Variants in KSR1 observed in about 807,000 individuals in gnomAD.
KSR1 encodes kinase suppressor of ras 1.
In KSR1, 35 loss-of-function variants were observed where a neutral mutation model predicts 92.9. That is an observed-to-expected ratio of 0.38 (90% CI 0.29 to 0.50). The LOEUF is 0.50. Among genes scored for constraint, KSR1 ranks in the 20% least tolerant of loss-of-function variants. KSR1 has a pLI of 0.94. For synonymous variants in KSR1, 467 were observed against 472.6 expected, an observed-to-expected ratio of 0.99 and a Z score of 0.15; for missense variants, 972 against 1,158.5, an observed-to-expected ratio of 0.84 and a Z score of 2.34.
intron 18 of KSR1, among the ~76,000 whole-genome samples, chr17:27,614,424 G>T (rs1266219103): frequency 6.6e-6 from 1 of 152,222 alleles, no homozygotes; most frequent in Non-Finnish European, 1.5e-5. Context: ...GCAACAGTTT[G>T]TTTCCTTTCT....
chr17:27,501,261 TTTC>T (rs1414012432), intron 1 of KSR1, among the ~76,000 whole-genome samples: 1 of 148,738 alleles, frequency 6.7e-6, no homozygotes, highest in Non-Finnish European at 1.5e-5. Context: ...TAATTTTCTT[TTTC>T]TTTTTTTTTT....
rs549469117 is a variant in KSR1, at chr17:27,459,570, G to T, written c.231+2696G>T. On this transcript the variant is annotated intron_variant, in intron 1 of 20. Transcript: ENST00000644974. The surrounding 1 kb of genome is among the most constrained non-coding windows in gnomAD (Gnocchi z 4.6). ...TCCAGCGTTCTTTCCTGTTCTGTGG[G>T]CTCCCCACACACCAGGCCGTGGCCC... 6.6e-5 allele frequency among the ~76,000 whole-genome samples: 10 copies of T among 152,368 alleles called. No homozygotes were observed. The South Asian group carries it at 2.1e-3, about 32-fold the overall frequency.
At chr17:27,508,267 G>T (rs1191825998) in intron 1 of KSR1, among the ~76,000 whole-genome samples, 1 of 152,202 alleles carries the variant, frequency 6.6e-6, no homozygotes, top group East Asian at 1.9e-4. Flanking sequence ...AGGAAGCCAT[G>T]AGCCCTGTGT....
At chr17:27,495,622 A>G (rs1287135232) in intron 1 of KSR1, among the ~76,000 whole-genome samples, 1 of 152,196 alleles carries the variant, frequency 6.6e-6, no homozygotes, top group African/African-American at 2.4e-5. Context: ...GTTGTCCAGT[A>G]AGGCTGTCTC....
At chr17:27,602,399 G>A (rs890621184) in intron 11 of KSR1, among the ~76,000 whole-genome samples, 10 of 152,196 alleles carry the variant, frequency 6.6e-5, no homozygotes, top group South Asian at 2.1e-4. Flanking sequence ...TGCACGCAGG[G>A]AATTACCCCA....
chr17:27,504,067 T>A (rs1220058475), intron 1 of KSR1, among the ~76,000 whole-genome samples: 1 of 152,158 alleles, frequency 6.6e-6, no homozygotes, highest in Non-Finnish European at 1.5e-5. Context: ...ATTTTATGGG[T>A]TGTTTCCTAT....
chr17:27,589,573 G>A (rs2073093178), intron 6 of KSR1, among the ~76,000 whole-genome samples: 1 of 152,166 alleles, frequency 6.6e-6, no homozygotes, highest in African/African-American at 2.4e-5. Context: ...GTTGGTGGAT[G>A]CATTACAAAC....
rs1208774095 is a variant in KSR1 at position 27,572,712 on chromosome 17, A to G, written c.373-4780A>G. Among the ~76,000 whole-genome samples the G allele has an allele frequency of 2.6e-5, 4 of 152,190 alleles. No individual in the cohort carries two copies. The South Asian group carries it at 6.2e-4, about 24-fold the overall frequency. On this transcript the variant is annotated intron_variant, in intron 2 of 20. Transcript: ENST00000644974. ...GTTTTTGGTTTAGAGATGATCCAGG[A>G]AAGTTGTGAGTTACTCTGCTTTGAA...
At chr17:27,617,463 A>G in intron 19 of KSR1, 35 bp downstream of exon 19, 1 of 1,586,504 alleles carries the variant, frequency 6.3e-7, no homozygotes, top group Non-Finnish European at 8.6e-7. Context: ...ACTGCCAGCC[A>G]GGCCCTCGCA....
At chr17:27,470,550 A>G (rs1260686735) in intron 1 of KSR1, among the ~76,000 whole-genome samples, 1 of 151,950 alleles carries the variant, frequency 6.6e-6, no homozygotes, top group African/African-American at 2.4e-5. Flanking sequence ...TAAGTTTTGT[A>G]TTTTTAGTAG....
chr17:27,522,462 T>C (rs2070081156), intron 1 of KSR1, among the ~76,000 whole-genome samples: 1 of 152,186 alleles, frequency 6.6e-6, no homozygotes, highest in African/African-American at 2.4e-5. Context: ...ACTTGGCCCC[T>C]CTCTCTGCCT....
chr17:27,590,848 G>A lies in KSR1; in HGVS notation c.1084G>A (p.Val362Met), dbSNP rs749069916. ...GTCCTGGCTGTCGCAGGTCTGCCAC[G>A]TGTGCCAGAAGAGCATGATATTTGG... ...TKSWLSQVCH[V>M]CQKSMIFGVK... is the part of the protein sequence containing the mutation. The change falls in exon 7 of 21, where the codon GTG becomes ATG. Residue 362 changes from valine (V) to methionine (M), a missense_variant. Around this residue, in one of 5 missense-constraint regions of KSR1, gnomAD observed 611 missense variants for 668.0 expected, o/e 0.91. Coordinates refer to ENST00000644974, the MANE Select transcript of KSR1 (RefSeq NM_001394583.1). The A allele has an allele frequency of 8.7e-6, 14 of 1,611,954 alleles. No homozygotes were observed. The highest frequency in any genetic ancestry group is 3.3e-5 in the Admixed American group (2 of 59,796).
chr17:27,594,882 G>A (rs143509879), intron 9 of KSR1, among the ~76,000 whole-genome samples: 89 of 152,242 alleles, frequency 5.8e-4, no homozygotes, highest in African/African-American at 2.0e-3. Context: ...ATTGAACAAC[G>A]CTATGACCTG....
intron 1 of KSR1, among the ~76,000 whole-genome samples, chr17:27,505,526 A>G (rs1176641807): frequency 1.3e-5 from 2 of 152,204 alleles, no homozygotes; most frequent in Admixed American, 1.3e-4. Context: ...CCTGCTCTGG[A>G]GCCAGACTGC....
At chr17:27,567,558 C>T (rs187587834) in intron 2 of KSR1, among the ~76,000 whole-genome samples, 3 of 152,200 alleles carry the variant, frequency 2.0e-5, no homozygotes, top group East Asian at 3.9e-4. Context: ...AGCCCAGAGC[C>T]GCATTGCTTC....
rs1030882277 is a variant in KSR1, at chr17:27,582,789, G to A, written c.664G>A (p.Ala222Thr). The part of the protein sequence containing the change: ...SSQLGRAGNS[A>T]QGPRSISVSA... ...CCAGCTGGGCAGAGCAGGCAACAGC[G>A]CCCAGGGCCCACGCTCCATCTCCGT... The change falls in exon 4 of 21, where the codon GCC (alanine) becomes ACC (threonine). Residue 222 changes from alanine to threonine, a missense_variant. By Grantham distance (58) the Ala-to-Thr change is moderately conservative. Transcript: ENST00000644974. 6.8e-6 allele frequency: 11 copies of A among 1,613,456 alleles called. No individual in the cohort carries two copies. The highest frequency in any genetic ancestry group is 1.1e-5 in the South Asian group (1 of 91,056).
chr17:27,470,176 C>T (rs1163404526), intron 1 of KSR1, among the ~76,000 whole-genome samples: 2 of 151,490 alleles, frequency 1.3e-5, no homozygotes, highest in Non-Finnish European at 2.9e-5. Flanking sequence ...CTGTCTCACC[C>T]TCCTGAGTAG....
intron 19 of KSR1, among the ~76,000 whole-genome samples, chr17:27,618,875 A>T (rs1215329845): frequency 6.6e-6 from 1 of 152,244 alleles, no homozygotes; most frequent in African/African-American, 2.4e-5. Context: ...ATTTTTGTAT[A>T]CATAGAGATG....
chr17:27,571,134 C>T (rs534084411), intron 2 of KSR1, among the ~76,000 whole-genome samples: 1 of 152,282 alleles, frequency 6.6e-6, no homozygotes, highest in Non-Finnish European at 1.5e-5. Flanking sequence ...CCAACTGACT[C>T]TCCTGGGAGG....
Sources: gnomAD v4.1 joint callset for allele counts (sites outside exome capture counted in the v4.1 genomes callset) on GRCh38, gnomAD v4.1.1 for gene constraint, gnomAD v4.1.1 regional missense constraint, Gnocchi (gnomAD v3.1) non-coding constraint, MANE v1.5 for transcripts, NCBI Gene and HGNC (gene_info 2026-07-23, HGNC 2026-07-21) for gene names.